Variants in ZNF23 observed in about 807,000 individuals in gnomAD.
The protein encoded by ZNF23 is kruppel-like zinc finger factor X31.
Under a neutral mutation model 56.2 loss-of-function variants are expected in ZNF23, and 48 were observed. That is an observed-to-expected ratio of 0.85 (90% CI 0.68 to 1.09). The LOEUF (loss-of-function observed/expected upper bound fraction) is 1.09. Ranked by LOEUF, ZNF23 falls within the 50% of genes least tolerant of loss-of-function variation. The pLI is 0.00. For missense variants in ZNF23, 805 were observed against 811.4 expected (o/e 0.99, Z 0.10); for synonymous variants, 266 against 283.3 (o/e 0.94, Z 0.61).
intron 2 of ZNF23, among the ~76,000 whole-genome samples, chr16:71,455,659 GATTTTTCTATCT>G (rs2043204770): frequency 6.6e-6 from 1 of 152,062 alleles, no homozygotes; most frequent in Non-Finnish European, 1.5e-5. Context: ...ACCCGGCCAT[GATTTTTCTATCT>G]TAAGCATTAC....
chr16:71,461,771 C>G (rs2043467646), intron 1 of ZNF23: 1 of 152,206 alleles, frequency 6.6e-6, no homozygotes, highest in African/African-American at 2.4e-5. Context: ...ATTCATGACC[C>G]TATGTCAGGA....
chr16:71,448,596 C>T lies in ZNF23; in HGVS notation c.1558G>A (p.Glu520Lys). ...AAGCATCTCCCACACTCATTACATT[C>T]AAAAGGTTTCTCCCCAGTGTGAATT... ...QRIHTGEKPF[E>K]CNECGRCFTS... Residue 520 changes from glutamate (E) to lysine (K), a missense_variant, in exon 5 of 5, where the codon GAA becomes AAA. Glu to Lys is a moderately conservative substitution (Grantham distance 56). Transcript: ENST00000647773. The T allele has an allele frequency of 1.2e-6, 2 of 1,612,038 alleles. No homozygotes were observed. The highest frequency in any genetic ancestry group is 1.7e-6 in the Non-Finnish European group (2 of 1,179,506).
rs1597001887 is a variant in ZNF23, at chr16:71,456,782, G to A, written c.15C>T (p.His5=). 2.0e-6 allele frequency: 2 copies of A among 986,060 alleles called. No homozygotes were observed. The highest frequency in any genetic ancestry group is 2.4e-6 in the Non-Finnish European group (2 of 830,080). The allele number at this position is 986,060 out of a possible 1,614,324, so 61.1% of individuals were successfully genotyped here. A position where few individuals can be genotyped will look rare whatever the true frequency, so the allele number is the denominator to read the frequency against. The change falls in exon 2 of 5, where the codon CAC becomes CAT. Residue 5 remains histidine, a synonymous_variant. Transcript: ENST00000647773. MAAM[H]LTAWPQKSVT... is the part of the protein sequence containing the mutation. ...AGCTCACCTGGGGCCAGGCTGTCAG[G>A]TGCATGGCTGCCATCCCCTGGTCCC...
rs948248502 is a variant in ZNF23 at position 71,448,148 on chromosome 16, C to T, written c.2006G>A (p.Arg669Lys). ...ATGCTGACTGAGCTGGAAGCTAAAC[C>T]TGAATGCTTTCCCACACACACTACA... ...YMCSVCGKAF[R>K]FSFQLSQHQS... The change falls in exon 5 of 5, where the codon AGG becomes AAG. Residue 669 changes from arginine (R) to lysine (K), a missense_variant. Transcript: ENST00000647773. 1.2e-6 allele frequency: 2 copies of T among 1,613,652 alleles called. No individual in the cohort carries two copies. The highest frequency in any genetic ancestry group is 2.7e-5 in the African/African-American group (2 of 74,934).
chr16:71,461,233 T>G (rs945973127), intron 1 of ZNF23, among the ~76,000 whole-genome samples: 9 of 152,258 alleles, frequency 5.9e-5, no homozygotes, highest in African/African-American at 2.2e-4. Flanking sequence ...AATCTTCTCT[T>G]TCTTAATTGG....
intron 1 of ZNF23, among the ~76,000 whole-genome samples, chr16:71,458,067 GACAGC>G (rs1052663934): frequency 3.3e-5 from 5 of 152,104 alleles, no homozygotes; most frequent in Non-Finnish European, 7.4e-5. Flanking sequence ...TCCTCCTAAG[GACAGC>G]ACAGGCTGTC....
chr16:71,449,320 G>A lies in ZNF23; in HGVS notation c.834C>T (p.Tyr278=). The change falls in exon 5 of 5, where the codon TAC becomes TAT. Residue 278 remains tyrosine (Y), a synonymous_variant. Coordinates refer to ENST00000647773, the MANE Select transcript of ZNF23 (RefSeq NM_001381984.1). Reference sequence around the variant, plus strand: ...TCTGATGTGTGATATAATGGGAACTGTAGCTGAAGCTTTTCCCACACTCCA... The same window carrying A: ...TCTGATGTGTGATATAATGGGAACTATAGCTGAAGCTTTTCCCACACTCCA... ...KCVECGKSFS[Y]SSHYITHQTI... The A allele has an allele frequency of 6.2e-7, 1 of 1,614,036 alleles. No homozygotes were observed. Among genetic ancestry groups the A allele is most frequent in the Non-Finnish European group, 8.5e-7 (1 of 1,179,980 alleles).
chr16:71,450,009 CAT>C (rs1168385991), intron 4 of ZNF23, 124 bp from the exon 5 acceptor site: 1 of 695,940 alleles, frequency 1.4e-6, no homozygotes, highest in East Asian at 2.9e-5. Context: ...GGTCAAAAAA[CAT>C]AGGGTTTCTC....
chr16:71,455,202 A>G (rs928354738), intron 2 of ZNF23, among the ~76,000 whole-genome samples: 2 of 152,156 alleles, frequency 1.3e-5, no homozygotes, highest in Non-Finnish European at 2.9e-5. Flanking sequence ...GTGTGCCGCC[A>G]CCACCACCCT....
At chr16:71,453,733 C>T (rs1308374317) in intron 3 of ZNF23, 3 of 531,854 alleles carry the variant, frequency 5.6e-6, no homozygotes, top group South Asian at 2.3e-5. Context: ...AGACTCAAGA[C>T]AGGTAAGATG....
At chr16:71,454,425 A>C (rs1235297282) in intron 2 of ZNF23, among the ~76,000 whole-genome samples, 1 of 152,166 alleles carries the variant, frequency 6.6e-6, no homozygotes, top group African/African-American at 2.4e-5. Flanking sequence ...AAAGAAAAAA[A>C]TTTCCATAAG....
chr16:71,449,169 C>T lies in ZNF23; in HGVS notation c.985G>A (p.Gly329Arg), dbSNP rs141681848. 1.2e-6 allele frequency: 2 copies of T among 1,614,096 alleles called. No homozygotes were observed. The highest frequency in any genetic ancestry group is 1.3e-5 in the African/African-American group (1 of 74,930). The change falls in exon 5 of 5, where the codon GGA becomes AGA. Residue 329 changes from glycine to arginine, a missense_variant. By Grantham distance (125) the Gly-to-Arg change is moderately radical (BLOSUM62 -2). Coordinates refer to ENST00000647773, the MANE Select transcript of ZNF23 (RefSeq NM_001381984.1). ...GEKPYQCKECGNGFSCSSAYI... is the reference protein window; with the variant it reads ...GEKPYQCKECRNGFSCSSAYI... ...GCAGAACTACAGCTGAAGCCATTTC[C>T]ACATTCCTTGCACTGATAGGGCTTC...
Position 71,449,207 on chromosome 16 carries a change from A to T in ZNF23, c.947T>A (p.Ile316Asn), listed in dbSNP as rs1218561441. 3 of 1,614,018 alleles carry T rather than the reference A, an allele frequency of 1.9e-6. No individual in the cohort carries two copies. The highest frequency in any genetic ancestry group is 2.5e-6 in the Non-Finnish European group (3 of 1,179,996). Residue 316 changes from isoleucine to asparagine, a missense_variant, in exon 5 of 5, where the codon ATC (isoleucine) becomes AAC (asparagine). Ile to Asn is a moderately radical substitution (Grantham distance 149). Transcript: ENST00000647773. ...VNGSLSRHQR[I>N]HTGEKPYQCK... ...CTGATAGGGCTTCTCTCCCGTATGG[A>T]TTCTCTGATGCCTACTTAGGCTTCC...
chr16:71,458,538 T>A (rs2043320761), intron 1 of ZNF23, among the ~76,000 whole-genome samples: 1 of 152,188 alleles, frequency 6.6e-6, no homozygotes, highest in Non-Finnish European at 1.5e-5. Context: ...TAGCCTCCAA[T>A]GTGACTGTAT....
intron 2 of ZNF23, 193 bp from the exon 3 acceptor site, chr16:71,454,361 G>T (rs1210277505): frequency 2.8e-6 from 2 of 726,776 alleles, no homozygotes; most frequent in Non-Finnish European, 2.0e-6. Flanking sequence ...TCCCACAGCA[G>T]GGAAACCTCA....
At position 71,448,853 on chromosome 16, in the gene ZNF23, G is replaced by A; in HGVS notation, c.1301C>T (p.Pro434Leu). ...TTTTCCACATTCAGTGCATTCATAGGGTTTCTCACCTGTGTGGATTCTCTG... is the reference window on the plus strand; with the variant it reads ...TTTTCCACATTCAGTGCATTCATAGAGTTTCTCACCTGTGTGGATTCTCTG... ...QHQRIHTGEK[P>L]YECTECGKAF... is the part of the protein sequence containing the mutation. The change falls in exon 5 of 5, where the codon CCC (proline) becomes CTC (leucine). Residue 434 changes from proline to leucine, a missense_variant. Physicochemically the swap from Pro to Leu is moderately conservative, Grantham distance 98. Transcript: ENST00000647773. 1 of 1,614,152 alleles carries A rather than the reference G, an allele frequency of 6.2e-7. No individual in the cohort carries two copies. The highest frequency in any genetic ancestry group is 8.5e-7 in the Non-Finnish European group (1 of 1,180,026).
At chr16:71,458,417 T>C (rs904929910) in intron 1 of ZNF23, among the ~76,000 whole-genome samples, 2 of 152,224 alleles carry the variant, frequency 1.3e-5, no homozygotes, top group African/African-American at 2.4e-5. Flanking sequence ...CAGAGCTAGT[T>C]TGCTTTTCCC....
Position 71,449,000 on chromosome 16 carries a change from C to T in ZNF23, c.1154G>A (p.Gly385Glu), listed in dbSNP as rs763019432. 1 of 1,614,190 alleles carries T rather than the reference C, an allele frequency of 6.2e-7. No homozygotes were observed. Among genetic ancestry groups the T allele is most frequent in the Non-Finnish European group, 8.5e-7 (1 of 1,180,032 alleles). Reference sequence around the variant, plus strand: ...CTGGGAGCTGCACCTGAAGCCTTTTCCACATTCATTACATTCATAAGGTTT... The same window carrying T: ...CTGGGAGCTGCACCTGAAGCCTTTTTCACATTCATTACATTCATAAGGTTT... ...GEKPYECNEC[G>E]KGFRCSSQLR... The change falls in exon 5 of 5, where the codon GGA becomes GAA. Residue 385 changes from glycine (G) to glutamate (E), a missense_variant. Coordinates refer to ENST00000647773, the MANE Select transcript of ZNF23 (RefSeq NM_001381984.1).
Position 71,462,221 on chromosome 16 carries a change from A to T in ZNF23, c.-44T>A, listed in dbSNP as rs2043491866. 4.6e-5 allele frequency: 7 copies of T among 152,354 alleles called. No individual in the cohort carries two copies. The highest frequency in any genetic ancestry group is 4.6e-4 in the Admixed American group (7 of 15,290). The allele number at this position is 152,354 out of a possible 1,614,324, so 9.4% of individuals were successfully genotyped here. A position where few individuals can be genotyped will look rare whatever the true frequency, so the allele number is the denominator to read the frequency against. On this transcript the variant is annotated 5_prime_UTR_variant, in exon 1 of 5. Coordinates refer to ENST00000647773, the MANE Select transcript of ZNF23 (RefSeq NM_001381984.1). ...AGCCCTGCACTCACCTCCGTAGCGG[A>T]CTGCTCCCCGGCGCTGCCGGAAGTG...
Sources: allele counts gnomAD v4.1 joint callset (sites outside exome capture counted in the v4.1 genomes callset), GRCh38; gene constraint gnomAD v4.1.1; transcripts MANE v1.5; gene names NCBI Gene and HGNC (gene_info 2026-07-23, HGNC 2026-07-21).